Variants in CTNND2 observed in about 807,000 individuals in gnomAD.
The protein encoded by CTNND2 is catenin delta 2.
CTNND2 carries 22 observed loss-of-function variants against 144.4 expected under a neutral mutation model. That is an observed-to-expected ratio of 0.15 (90% CI 0.11 to 0.22). The LOEUF (loss-of-function observed/expected upper bound fraction) is 0.22, where lower values mean the gene tolerates loss of function less well. Among genes scored for constraint, CTNND2 ranks in the 10% least tolerant of loss-of-function variants. CTNND2 has a pLI of 1.00. For synonymous variants in CTNND2, 751 were observed against 695.6 expected (o/e 1.08, Z -1.25); for missense variants, 1,353 against 1,618.8 (o/e 0.84, Z 2.82).
intron 10 of CTNND2, among the ~76,000 whole-genome samples, chr5:11,223,459 T>C (rs1256894028): frequency 2.0e-5 from 3 of 152,176 alleles, no homozygotes; most frequent in African/African-American, 7.2e-5. Flanking sequence ...TTCCCATCCT[T>C]AGGCCCCATC....
chr5:11,104,477 T>A (rs61755681), intron 14 of CTNND2, among the ~76,000 whole-genome samples: 3 of 152,142 alleles, frequency 2.0e-5, no homozygotes, highest in African/African-American at 7.2e-5. Flanking sequence ...TCTGCCACTC[T>A]TGCTTGGCTT....
intron 11 of CTNND2, among the ~76,000 whole-genome samples, chr5:11,178,840 A>G (rs1325937179): frequency 1.3e-5 from 2 of 152,170 alleles, no homozygotes; most frequent in African/African-American, 4.8e-5. Context: ...TATACAATAC[A>G]TTCTTCGCCT....
At chr5:11,574,893 G>GAA (rs1217267364) in intron 2 of CTNND2, among the ~76,000 whole-genome samples, 2 of 152,152 alleles carry the variant, frequency 1.3e-5, no homozygotes, top group East Asian at 3.9e-4. Context: ...TCCTCAAATG[G>GAA]ACTTTGCATG....
At chr5:11,680,857 C>T (rs1242075653) in intron 2 of CTNND2, among the ~76,000 whole-genome samples, 2 of 152,182 alleles carry the variant, frequency 1.3e-5, no homozygotes, top group African/African-American at 2.4e-5. Context: ...CCAAGAACCA[C>T]TCTTGTCATT....
chr5:11,830,601 T>G (rs370559386), intron 1 of CTNND2, among the ~76,000 whole-genome samples: 6 of 152,210 alleles, frequency 3.9e-5, no homozygotes, highest in East Asian at 1.9e-4. Flanking sequence ...CATTAAACTC[T>G]TTTTCTTGTA....
chr5:11,478,250 A>C (rs1767939727), intron 3 of CTNND2, among the ~76,000 whole-genome samples: 1 of 152,078 alleles, frequency 6.6e-6, no homozygotes, highest in Non-Finnish European at 1.5e-5. Flanking sequence ...CCATTTTTTC[A>C]TGGGCCCACT....
intron 12 of CTNND2, among the ~76,000 whole-genome samples, chr5:11,123,675 AG>A (rs1561341566): frequency 6.6e-6 from 1 of 152,266 alleles, no homozygotes; most frequent in Non-Finnish European, 1.5e-5. Context: ...TAAAATACAA[AG>A]GCGCAGGCCC....
At chr5:11,844,361 T>TAC (rs3036040) in intron 1 of CTNND2, among the ~76,000 whole-genome samples, 14,414 of 150,500 alleles carry the variant, frequency 0.096, 1,726 homozygotes, top group African/African-American at 0.29. Flanking sequence ...TAGACTGAAA[T>TAC]ACACACACAC....
At chr5:11,063,154 T>C (rs1747190239) in intron 16 of CTNND2, among the ~76,000 whole-genome samples, 1 of 152,170 alleles carries the variant, frequency 6.6e-6, no homozygotes, top group Non-Finnish European at 1.5e-5. Context: ...GGAAAGACCA[T>C]CTATTCTCTT....
chr5:11,194,697 T>A (rs184756603), intron 11 of CTNND2, among the ~76,000 whole-genome samples: 214 of 151,542 alleles, frequency 1.4e-3, no homozygotes, highest in Non-Finnish European at 1.9e-3. Context: ...AAGCCCACCA[T>A]AAAAAAAGAA....
intron 3 of CTNND2, among the ~76,000 whole-genome samples, chr5:11,463,855 A>C (rs1300333551): frequency 1.0e-4 from 11 of 110,200 alleles, no homozygotes; most frequent in African/African-American, 3.9e-4. Context: ...CGTCCCTTAC[A>C]AAAAAAAAAA....
chr5:11,441,964 A>AT (rs1211285691), intron 3 of CTNND2, among the ~76,000 whole-genome samples: 2 of 152,088 alleles, frequency 1.3e-5, no homozygotes, highest in Non-Finnish European at 2.9e-5. Context: ...GGCTTTTCTA[A>AT]TTTTTTCCAA....
chr5:11,508,141 G>A (rs937098579), intron 3 of CTNND2, among the ~76,000 whole-genome samples: 3 of 152,166 alleles, frequency 2.0e-5, no homozygotes, highest in African/African-American at 7.2e-5. Flanking sequence ...CTATCGCTAA[G>A]GAATTATTCC....
intron 1 of CTNND2, among the ~76,000 whole-genome samples, chr5:11,741,814 T>C (rs1377315984): frequency 2.0e-5 from 3 of 148,232 alleles, no homozygotes; most frequent in African/African-American, 7.4e-5. Context: ...TTACATAGTA[T>C]ATATGTATAT....
intron 10 of CTNND2, among the ~76,000 whole-genome samples, chr5:11,214,614 T>G (rs1319891190): frequency 6.6e-6 from 1 of 152,216 alleles, no homozygotes; most frequent in East Asian, 1.9e-4. Context: ...TGTTGATCAC[T>G]GCTCAAAATC....
chr5:11,887,711 A>C (rs774888153), intron 1 of CTNND2, among the ~76,000 whole-genome samples: 4 of 152,182 alleles, frequency 2.6e-5, no homozygotes, highest in Non-Finnish European at 2.9e-5. Flanking sequence ...TTCTTTTACT[A>C]TTCCAGGGCC....
At chr5:11,769,367 A>G (rs536976488) in intron 1 of CTNND2, among the ~76,000 whole-genome samples, 1 of 152,312 alleles carries the variant, frequency 6.6e-6, no homozygotes, top group Admixed American at 6.5e-5. Flanking sequence ...TAACTACAAT[A>G]AGAGCATATC....
chr5:11,519,452 T>A (rs1231096404), intron 3 of CTNND2, among the ~76,000 whole-genome samples: 1 of 151,696 alleles, frequency 6.6e-6, no homozygotes, highest in East Asian at 1.9e-4. Flanking sequence ...AGTTCTCTAT[T>A]CCCAGCCACT....
chr5:11,885,770 T>C (rs751253260), intron 1 of CTNND2, among the ~76,000 whole-genome samples: 3 of 152,254 alleles, frequency 2.0e-5, no homozygotes, highest in Admixed American at 6.5e-5. Context: ...ACAGACCGTA[T>C]GTTAGGCCAC....
Sources: allele counts gnomAD v4.1 joint callset (sites outside exome capture counted in the v4.1 genomes callset), GRCh38; gene constraint gnomAD v4.1.1; transcripts MANE v1.5; gene names NCBI Gene and HGNC (gene_info 2026-07-23, HGNC 2026-07-21).